The following ARHGAP11B variants were observed in gnomAD, a reference collection of about 807,000 sequenced individuals.
ARHGAP11B encodes the protein Rho GTPase activating protein 11B, also known as inactive Rho GTPase-activating protein 11B.
ARHGAP11B carries 14 observed loss-of-function variants against 27.6 expected under a neutral mutation model. The observed-to-expected ratio is 0.51, with a 90% CI of 0.34 to 0.79. The LOEUF (loss-of-function observed/expected upper bound fraction) is 0.79, where lower values mean the gene tolerates loss of function less well. ARHGAP11B is among the 30% of genes least tolerant of loss of function. ARHGAP11B has a pLI of 0.02. For missense variants in ARHGAP11B, 245 were observed against 320.1 expected, an observed-to-expected ratio of 0.77 and a Z score of 1.79; for synonymous variants, 82 against 114.1, an observed-to-expected ratio of 0.72 and a Z score of 1.80.
At chr15:30,647,386 T>C (rs1284127043) in intron 9 of ARHGAP11B, among the ~76,000 whole-genome samples, 1 of 151,912 alleles carries the variant, frequency 6.6e-6, no homozygotes, top group Non-Finnish European at 1.5e-5. Flanking sequence ...CAGGATAGTA[T>C]TAAGGTTACT....
At chr15:30,633,569 C>G (rs761837871) in exon 3 of ARHGAP11B, 1 of 1,612,680 alleles carries the variant, frequency 6.2e-7, no homozygotes, top group African/African-American at 1.3e-5. Context: ...ATCTGTGATT[C>G]GCCTAAAAGC....
intron 1 of ARHGAP11B, among the ~76,000 whole-genome samples, chr15:30,630,473 G>A (rs927032435): frequency 4.0e-5 from 6 of 151,752 alleles, no homozygotes; most frequent in Admixed American, 2.6e-4. Context: ...TATTTGAGGG[G>A]AATGACATTA....
At position 30,635,314 on chromosome 15, in the gene ARHGAP11B, A is replaced by G. The variant is rs28444520; in HGVS notation, c.660+126A>G. The G allele has an allele frequency of 4.2e-3, 6,117 of 1,470,854 alleles. 55 individuals are homozygous for G. Among genetic ancestry groups the G allele is most frequent in the Admixed American group, 6.0e-3 (308 of 51,592 alleles). The allele number at this position is 1,470,854 out of a possible 1,614,324, so 91.1% of individuals were successfully genotyped here. A position where few individuals can be genotyped will look rare whatever the true frequency, so the allele number is the denominator to read the frequency against. On this transcript the variant is annotated intron_variant, in intron 5 of 10. Coordinates refer to ENST00000428041, the Ensembl canonical transcript of ARHGAP11B. ...AATCTCTGTTTCTTTCAAAGGAACT[A>G]TGAAGGCAACTGTTAGAAAGTTGGT...
chr15:30,646,844 G>C (rs760898750), intron 9 of ARHGAP11B, among the ~76,000 whole-genome samples: 2 of 151,424 alleles, frequency 1.3e-5, no homozygotes, highest in Non-Finnish European at 2.9e-5. Context: ...TGGTGCACTC[G>C]TGTAATCCTA....
At chr15:30,635,377 C>T (rs2060273038) in intron 5 of ARHGAP11B, 110 bp from the exon 6 acceptor site, 1 of 1,460,994 alleles carries the variant, frequency 6.8e-7, no homozygotes, top group South Asian at 1.4e-5. Flanking sequence ...AGTACCGGCC[C>T]CTCCTGCAAA....
chr15:30,634,513 T>C, intron 4 of ARHGAP11B, 90 bp downstream of exon 4: 7 of 1,453,822 alleles, frequency 4.8e-6, no homozygotes, highest in South Asian at 1.4e-5. Flanking sequence ...TCATTTGGAA[T>C]GGAAATTTTT....
At chr15:30,635,249 A>G (rs1193250390) in intron 5 of ARHGAP11B, 61 bp downstream of exon 5, 10 of 1,579,506 alleles carry the variant, frequency 6.3e-6, no homozygotes, top group Middle Eastern at 1.7e-4. Context: ...TATTGGTAAG[A>G]TGTAGTTGCA....
chr15:30,645,071 T>C (rs2060338592), intron 8 of ARHGAP11B, among the ~76,000 whole-genome samples: 1 of 151,850 alleles, frequency 6.6e-6, no homozygotes, highest in African/African-American at 2.4e-5. Context: ...ATTGGGATTC[T>C]ATTGGCGGGA....
At chr15:30,637,721 G>A (rs909732998) in intron 6 of ARHGAP11B, among the ~76,000 whole-genome samples, 7 of 151,668 alleles carry the variant, frequency 4.6e-5, no homozygotes, top group Non-Finnish European at 7.4e-5. Flanking sequence ...GCAACATAGC[G>A]AGACTCCGTC....
At chr15:30,631,793 T>TC (rs1249988294) in intron 2 of ARHGAP11B, among the ~76,000 whole-genome samples, 1 of 151,580 alleles carries the variant, frequency 6.6e-6, no homozygotes, top group African/African-American at 2.4e-5. Context: ...TGTTCTTTTT[T>TC]TTTTTTTTTT....
chr15:30,637,462 C>T (rs954218181), intron 6 of ARHGAP11B, among the ~76,000 whole-genome samples: 12 of 152,058 alleles, frequency 7.9e-5, no homozygotes, highest in African/African-American at 1.2e-4. Context: ...TGGCCGGGTG[C>T]GATGGCTTAC....
intron 7 of ARHGAP11B, among the ~76,000 whole-genome samples, chr15:30,643,367 C>G (rs745635744): frequency 6.6e-6 from 1 of 151,522 alleles, no homozygotes; most frequent in Admixed American, 6.6e-5. Flanking sequence ...CAACCTCTGC[C>G]GACCGGGTTC....
chr15:30,647,035 A>C (rs2060353911), intron 9 of ARHGAP11B, among the ~76,000 whole-genome samples: 1 of 151,974 alleles, frequency 6.6e-6, no homozygotes, highest in Admixed American at 6.6e-5. Flanking sequence ...ACTGGAATGA[A>C]CTGCCCATGT....
intron 7 of ARHGAP11B, among the ~76,000 whole-genome samples, chr15:30,640,668 AT>A (rs1450411978): frequency 3.3e-5 from 5 of 151,946 alleles, no homozygotes; most frequent in African/African-American, 1.2e-4. Flanking sequence ...TATCTGAGTT[AT>A]ATGAGTTCCT....
At chr15:30,644,034 C>G (rs2060330546) in intron 7 of ARHGAP11B, among the ~76,000 whole-genome samples, 1 of 151,840 alleles carries the variant, frequency 6.6e-6, no homozygotes, top group Non-Finnish European at 1.5e-5. Flanking sequence ...AGCCATCCTT[C>G]AAGACCTCAA....
chr15:30,635,584 A>G (rs1280935523), exon 6 of ARHGAP11B: 3 of 1,613,468 alleles, frequency 1.9e-6, no homozygotes, highest in Middle Eastern at 1.7e-4. Flanking sequence ...AAGAAGGTGA[A>G]TATGAAACTC....
chr15:30,628,306 C>T (rs1047608298), intron 1 of ARHGAP11B, among the ~76,000 whole-genome samples: 2 of 151,874 alleles, frequency 1.3e-5, no homozygotes, highest in East Asian at 1.9e-4. Context: ...TGGTCTCGAT[C>T]TCCTGCCCTC....
intron 1 of ARHGAP11B, among the ~76,000 whole-genome samples, chr15:30,627,576 T>G (rs953026119): frequency 1.3e-5 from 2 of 152,022 alleles, no homozygotes; most frequent in African/African-American, 4.8e-5. Flanking sequence ...ATTTTTTTTT[T>G]TGTATGAGTA....
chr15:30,631,118 C>T lies in ARHGAP11B; in HGVS notation c.200+345C>T, dbSNP rs560398604. On this transcript the variant is annotated intron_variant, in intron 2 of 10. Coordinates refer to ENST00000428041, the Ensembl canonical transcript of ARHGAP11B. ...TGATTAAAACATAATTGTTTCAAAC[C>T]AGCAAATGATTTAATCTCTCATAAT... 3.6e-3 allele frequency among the ~76,000 whole-genome samples: 540 copies of T among 150,906 alleles called. 3 individuals are homozygous for T. Among genetic ancestry groups the T allele is most frequent in the Admixed American group, 5.8e-3 (88 of 15,128 alleles).
Sources: gnomAD v4.1 joint callset for allele counts (sites outside exome capture counted in the v4.1 genomes callset) on GRCh38, gnomAD v4.1.1 for gene constraint, MANE v1.5 for transcripts, NCBI Gene and HGNC (gene_info 2026-07-23, HGNC 2026-07-21) for gene names.